Variants in MAML3 observed in about 807,000 individuals in gnomAD.
MAML3 encodes mastermind-like protein 3.
In MAML3, 27 loss-of-function variants were observed where a neutral mutation model predicts 101.9. That is an observed-to-expected ratio of 0.27 (90% CI 0.20 to 0.37). The LOEUF is 0.37. MAML3 is among the 10% of genes least tolerant of loss of function. The pLI, the probability that MAML3 is intolerant of heterozygous loss-of-function variation, is 1.00. For synonymous variants in MAML3, 501 were observed against 555.9 expected, an observed-to-expected ratio of 0.90 and a Z score of 1.39; for missense variants, 1,316 against 1,444.9, an observed-to-expected ratio of 0.91 and a Z score of 1.45.
At chr4:139,873,460 C>G (rs1365165747) in intron 2 of MAML3, among the ~76,000 whole-genome samples, 1 of 152,212 alleles carries the variant, frequency 6.6e-6, no homozygotes, top group African/African-American at 2.4e-5. Context: ...AAATTCTTGA[C>G]ACTCCCTTCA....
intron 1 of MAML3, among the ~76,000 whole-genome samples, chr4:140,033,424 CG>C (rs5862450): frequency 0.64 from 96,677 of 151,888 alleles, 31,280 homozygotes; most frequent in East Asian, 0.91. Flanking sequence ...AGAAGAGGTA[CG>C]GTATGGGAAA....
At chr4:139,874,189 C>G (rs1732066087) in intron 2 of MAML3, among the ~76,000 whole-genome samples, 1 of 152,128 alleles carries the variant, frequency 6.6e-6, no homozygotes, top group Non-Finnish European at 1.5e-5. Flanking sequence ...TGTAAGGCCT[C>G]AAAGAGTCTA....
At chr4:139,769,404 C>G (rs1452891870) in intron 2 of MAML3, among the ~76,000 whole-genome samples, 1 of 152,182 alleles carries the variant, frequency 6.6e-6, no homozygotes, top group Non-Finnish European at 1.5e-5. Context: ...CCATTTTGTT[C>G]TATAATCCAC....
In MAML3 at chr4:139,738,825, A is replaced by G. The variant is rs150446313; in HGVS notation, c.2080-8158T>C. ...ACTGTTAATATTTTGATGTGTTTTTATATTTCCTCCTAGTTTTATCCCAGA... is the reference window on the plus strand; with the variant it reads ...ACTGTTAATATTTTGATGTGTTTTTGTATTTCCTCCTAGTTTTATCCCAGA... On this transcript the variant is annotated intron_variant, in intron 2 of 4. Coordinates refer to ENST00000509479, the MANE Select transcript of MAML3 (RefSeq NM_018717.5). Among the ~76,000 whole-genome samples the G allele has an allele frequency of 3.1e-4, 47 of 152,344 alleles. No homozygotes were observed. In the East Asian group the frequency reaches 7.9e-3, roughly 26 times the overall value.
At chr4:140,081,595 G>T (rs1416005187) in intron 1 of MAML3, among the ~76,000 whole-genome samples, 2 of 152,204 alleles carry the variant, frequency 1.3e-5, no homozygotes, top group African/African-American at 4.8e-5. Flanking sequence ...AGATGAGGGA[G>T]GAATAAGTCA....
chr4:139,781,652 T>G (rs930336515), intron 2 of MAML3, among the ~76,000 whole-genome samples: 2 of 152,104 alleles, frequency 1.3e-5, no homozygotes, highest in African/African-American at 4.8e-5. Flanking sequence ...GGGGAGAATG[T>G]GGTAAAACAC....
At chr4:139,839,744 G>T (rs1731327995) in intron 2 of MAML3, among the ~76,000 whole-genome samples, 1 of 152,124 alleles carries the variant, frequency 6.6e-6, no homozygotes, top group Admixed American at 6.5e-5. Flanking sequence ...AAGCACTGAA[G>T]GAATGGCTAT....
At chr4:139,990,268 T>C (rs1163249112) in intron 1 of MAML3, among the ~76,000 whole-genome samples, 2 of 152,246 alleles carry the variant, frequency 1.3e-5, no homozygotes, top group African/African-American at 4.8e-5. Flanking sequence ...ATAAATGTAA[T>C]TCAGCATATA....
At chr4:140,120,876 A>G (rs147815411) in intron 1 of MAML3, among the ~76,000 whole-genome samples, 2,083 of 152,298 alleles carry the variant, frequency 0.014, 44 homozygotes, top group African/African-American at 0.047. Flanking sequence ...CATTGTGGCA[A>G]TCTTTATCCA....
chr4:140,051,911 C>CAGAA (rs1476077324), intron 1 of MAML3, among the ~76,000 whole-genome samples: 1 of 152,112 alleles, frequency 6.6e-6, no homozygotes, highest in African/African-American at 2.4e-5. Flanking sequence ...ACTGGGCCAC[C>CAGAA]AGAACCAGGC....
intron 1 of MAML3, among the ~76,000 whole-genome samples, chr4:140,106,838 T>G (rs1728360608): frequency 6.6e-6 from 1 of 152,228 alleles, no homozygotes; most frequent in Admixed American, 6.5e-5. Flanking sequence ...TAAAACCTGT[T>G]AATAAACAAG....
At chr4:140,146,872 A>C (rs1729072726) in intron 1 of MAML3, among the ~76,000 whole-genome samples, 1 of 152,158 alleles carries the variant, frequency 6.6e-6, no homozygotes, top group South Asian at 2.1e-4. Context: ...GCGGTGGCTC[A>C]CACCTGTAAT....
intron 1 of MAML3, among the ~76,000 whole-genome samples, chr4:140,014,011 A>G (rs762588359): frequency 3.9e-5 from 6 of 152,222 alleles, no homozygotes; most frequent in Admixed American, 1.3e-4. Flanking sequence ...TTTCAGTGGT[A>G]TGGGCAAAGC....
At chr4:139,766,083 C>G (rs1442208118) in intron 2 of MAML3, among the ~76,000 whole-genome samples, 1 of 151,888 alleles carries the variant, frequency 6.6e-6, no homozygotes, top group African/African-American at 2.4e-5. Flanking sequence ...TCTTAGTTCC[C>G]CCTTTTCCCT....
chr4:139,875,251 C>T (rs1015176561), intron 2 of MAML3, among the ~76,000 whole-genome samples: 29 of 152,212 alleles, frequency 1.9e-4, no homozygotes, highest in African/African-American at 6.5e-4. Context: ...CTCTGCCACC[C>T]TCCCTACGAA....
intron 1 of MAML3, among the ~76,000 whole-genome samples, chr4:139,915,252 A>G (rs1032011333): frequency 1.3e-5 from 2 of 152,250 alleles, no homozygotes; most frequent in Admixed American, 6.5e-5. Context: ...AGGTTAACAC[A>G]GCCTCTTGAA....
rs372919808 is a variant in MAML3 at position 139,891,042 on chromosome 4, T to G, written c.469-75A>C. On this transcript the variant is annotated intron_variant, in intron 1 of 4. Coordinates refer to ENST00000509479, the MANE Select transcript of MAML3 (RefSeq NM_018717.5). Reference sequence around the variant, plus strand: ...ACTCTTTAAGGATTGAGATGTGCATTGCGATGAACTAACTTTTAAGTGGTT... The same window carrying G: ...ACTCTTTAAGGATTGAGATGTGCATGGCGATGAACTAACTTTTAAGTGGTT... 4 of 1,480,126 alleles carry G rather than the reference T, an allele frequency of 2.7e-6. No individual in the cohort carries two copies. In the East Asian group the frequency reaches 7.1e-5, roughly 26 times the overall value. 91.7% of individuals were successfully genotyped at this position (1,480,126 alleles called of 1,614,324 possible).
chr4:140,063,988 A>G (rs1727490277), intron 1 of MAML3, among the ~76,000 whole-genome samples: 2 of 152,168 alleles, frequency 1.3e-5, no homozygotes, highest in Non-Finnish European at 2.9e-5. Flanking sequence ...TGTGCTCATC[A>G]AGCATCAAGA....
chr4:139,745,294 GGAGCCA>G (rs1315885797), intron 2 of MAML3, among the ~76,000 whole-genome samples: 1 of 60,182 alleles, frequency 1.7e-5, no homozygotes, highest in Non-Finnish European at 5.0e-5. Context: ...CCGTCCATCA[GGAGCCA>G]CAGCAGGTTC....
Sources: allele counts gnomAD v4.1 joint callset (sites outside exome capture counted in the v4.1 genomes callset), GRCh38; gene constraint gnomAD v4.1.1; transcripts MANE v1.5; gene names NCBI Gene and HGNC (gene_info 2026-07-23, HGNC 2026-07-21).